The following PIK3CB variants were observed in gnomAD, a reference collection of about 807,000 sequenced individuals.
PIK3CB encodes phosphatidylinositol 4,5-bisphosphate 3-kinase catalytic subunit beta isoform.
Under a neutral mutation model 136.8 loss-of-function variants are expected in PIK3CB, and 39 were observed. The ratio of observed to expected loss-of-function variants is 0.29; its 90% CI spans 0.22 to 0.37. The LOEUF is 0.37. Ranked by LOEUF, PIK3CB falls within the 10% of genes least tolerant of loss-of-function variation. The probability of loss-of-function intolerance (pLI) is 1.00; values close to 1 mark genes in which losing one functional copy is unlikely to be tolerated. For missense variants in PIK3CB, 868 were observed against 1,275.4 expected (o/e 0.68, Z 4.87); for synonymous variants, 428 against 436.6 (o/e 0.98, Z 0.25).
chr3:138,715,116 CTA>C (rs1382672063), intron 8 of PIK3CB, among the ~76,000 whole-genome samples: 1 of 152,190 alleles, frequency 6.6e-6, no homozygotes, highest in African/African-American at 2.4e-5. Context: ...TTACCCTTCT[CTA>C]TGTGTAGGAA....
At chr3:138,742,891 G>A in intron 4 of PIK3CB, 110 bp from the exon 5 acceptor site, 1 of 572,128 alleles carries the variant, frequency 1.7e-6, no homozygotes. Context: ...TGGATGCTTG[G>A]CTTTTATCAA....
At chr3:138,737,414 A>G in intron 6 of PIK3CB, among the ~76,000 whole-genome samples, 1 of 149,078 alleles carries the variant, frequency 6.7e-6, no homozygotes, top group Admixed American at 6.7e-5. Flanking sequence ...AAAAAAAAAA[A>G]AAAAAAAAGC....
At chr3:138,773,887 C>T (rs1334680610) in intron 2 of PIK3CB, among the ~76,000 whole-genome samples, 1 of 152,168 alleles carries the variant, frequency 6.6e-6, no homozygotes, top group African/African-American at 2.4e-5. Context: ...GACATGGGAA[C>T]TATCATTAAG....
At chr3:138,813,494 C>T (rs1021018210) in intron 1 of PIK3CB, among the ~76,000 whole-genome samples, 4 of 147,634 alleles carry the variant, frequency 2.7e-5, no homozygotes, top group African/African-American at 1.0e-4. Flanking sequence ...TGCAGTGGCA[C>T]GATCTCTCCG....
intron 2 of PIK3CB, among the ~76,000 whole-genome samples, chr3:138,766,440 T>A (rs2045733576): frequency 6.6e-6 from 1 of 152,232 alleles, no homozygotes; most frequent in Admixed American, 6.5e-5. Flanking sequence ...AAAATTTTTT[T>A]AATGGCAAAA....
At chr3:138,830,897 G>A (rs541064567) in intron 1 of PIK3CB, among the ~76,000 whole-genome samples, 1 of 127,538 alleles carries the variant, frequency 7.8e-6, no homozygotes, top group Non-Finnish European at 1.6e-5. Context: ...GCGAAACTCC[G>A]TCTCAAAATA....
intron 22 of PIK3CB, among the ~76,000 whole-genome samples, chr3:138,656,805 C>G (rs989148496): frequency 2.6e-5 from 4 of 152,054 alleles, no homozygotes; most frequent in Non-Finnish European, 5.9e-5. Flanking sequence ...GAACCTTGCT[C>G]TGTCTCCCAG....
intron 12 of PIK3CB, among the ~76,000 whole-genome samples, chr3:138,700,913 G>A (rs916929561): frequency 1.3e-5 from 2 of 152,082 alleles, no homozygotes; most frequent in Non-Finnish European, 2.9e-5. Flanking sequence ...GAAATAGAAT[G>A]TTTACTTAGT....
intron 1 of PIK3CB, among the ~76,000 whole-genome samples, chr3:138,808,767 C>G (rs1386212077): frequency 6.6e-6 from 1 of 151,218 alleles, no homozygotes; most frequent in Non-Finnish European, 1.5e-5. Flanking sequence ...TATATACACA[C>G]ACACTATACA....
At chr3:138,826,436 T>C in intron 1 of PIK3CB, 1 of 910,774 alleles carries the variant, frequency 1.1e-6, no homozygotes, top group South Asian at 1.5e-5. Flanking sequence ...AATGACTGGT[T>C]AATGATAACA....
intron 4 of PIK3CB, among the ~76,000 whole-genome samples, chr3:138,747,048 C>T (rs1372691288): frequency 2.2e-5 from 2 of 92,990 alleles, no homozygotes; most frequent in African/African-American, 8.1e-5. Context: ...TCAAGCTATT[C>T]AGCCTTTATA....
chr3:138,809,621 A>AG (rs1386165007), intron 1 of PIK3CB, among the ~76,000 whole-genome samples: 35 of 149,536 alleles, frequency 2.3e-4, no homozygotes, highest in East Asian at 1.9e-3. Context: ...AAAAAAAAAA[A>AG]AAAAGAAAAT....
At chr3:138,820,611 G>A (rs1404933928) in intron 1 of PIK3CB, among the ~76,000 whole-genome samples, 4 of 151,974 alleles carry the variant, frequency 2.6e-5, no homozygotes, top group Admixed American at 2.0e-4. Context: ...CTCCTGCCTC[G>A]GCCTCCCAAG....
At position 138,714,585 on chromosome 3, in the gene PIK3CB, T is replaced by C. The variant is rs761026698; in HGVS notation, c.1185A>G (p.Pro395=). 6.2e-7 allele frequency: 1 copy of C among 1,613,904 alleles called. No individual in the cohort carries two copies. The highest frequency in any genetic ancestry group is 8.5e-7 in the Non-Finnish European group (1 of 1,179,796). The change falls in exon 9 of 24, where the codon CCA becomes CCG. Residue 395 remains proline, a synonymous_variant. Transcript: ENST00000674063. ...LEFDINICDL[P]RMARLCFAVY... ...CAGCAAAACATAATCGAGCCATTCT[T>C]GGTAAGTCACAAATATTAATATCAA...
chr3:138,714,514 G>C lies in PIK3CB; in HGVS notation c.1256C>G (p.Thr419Ser), dbSNP rs752510116. ...GGTCTGATATTTAGAGGGATTAATA[G>C]TTTTCGTTGATTTCTTCGTTTTTAC... is the stretch of plus-strand genomic sequence containing the variant. ...DKVKTKKSTKTINPSKYQTIR... is the reference protein window; with the variant it reads ...DKVKTKKSTKSINPSKYQTIR... The change falls in exon 9 of 24, where the codon ACT becomes AGT. Residue 419 changes from threonine (T) to serine (S), a missense_variant. Thr to Ser is a moderately conservative substitution (Grantham distance 58). Coordinates refer to ENST00000674063, the MANE Select transcript of PIK3CB (RefSeq NM_006219.3). 2 of 1,611,596 alleles carry C rather than the reference G, an allele frequency of 1.2e-6. No homozygotes were observed. Among genetic ancestry groups the C allele is most frequent in the Non-Finnish European group, 1.7e-6 (2 of 1,177,808 alleles).
intron 1 of PIK3CB, among the ~76,000 whole-genome samples, chr3:138,804,140 T>C (rs1159889159): frequency 6.6e-6 from 1 of 151,746 alleles, no homozygotes; most frequent in Non-Finnish European, 1.5e-5. Context: ...AATCCATCTC[T>C]ACAAAAAATT....
chr3:138,794,151 A>T (rs1321025779), intron 2 of PIK3CB, among the ~76,000 whole-genome samples: 4 of 152,020 alleles, frequency 2.6e-5, no homozygotes, highest in African/African-American at 4.8e-5. Flanking sequence ...ATTAGTAGAG[A>T]TCAAGTTTCA....
intron 4 of PIK3CB, among the ~76,000 whole-genome samples, chr3:138,755,025 T>G (rs957142773): frequency 8.5e-5 from 13 of 152,352 alleles, no homozygotes; most frequent in Non-Finnish European, 1.6e-4. Flanking sequence ...TTCTTGATTG[T>G]GTTACTCACA....
intron 4 of PIK3CB, among the ~76,000 whole-genome samples, chr3:138,750,508 G>A (rs986191254): frequency 9.2e-5 from 14 of 152,092 alleles, no homozygotes; most frequent in Non-Finnish European, 1.8e-4. Context: ...AGAATCTAAT[G>A]CTACCACTGA....
Sources: gnomAD v4.1 joint callset for allele counts (sites outside exome capture counted in the v4.1 genomes callset) on GRCh38, gnomAD v4.1.1 for gene constraint, MANE v1.5 for transcripts, NCBI Gene and HGNC (gene_info 2026-07-23, HGNC 2026-07-21) for gene names.